Variants in R3HCC1L observed in about 807,000 individuals in gnomAD.
R3HCC1L encodes R3H domain and coiled-coil containing 1 like.
Under a neutral mutation model 59.9 loss-of-function variants are expected in R3HCC1L, and 51 were observed. That is an observed-to-expected ratio of 0.85 (90% confidence interval 0.68 to 1.07). The LOEUF (loss-of-function observed/expected upper bound fraction) is 1.07. R3HCC1L is among the 50% of genes least tolerant of loss of function. The pLI is 0.00. For missense variants in R3HCC1L, 965 were observed against 933.0 expected (o/e 1.03, Z -0.45); for synonymous variants, 322 against 315.2 (o/e 1.02, Z -0.23).
At chr10:98,136,569 C>T (rs895263323) in intron 1 of R3HCC1L, among the ~76,000 whole-genome samples, 6 of 152,242 alleles carry the variant, frequency 3.9e-5, no homozygotes, top group Admixed American at 3.3e-4. Context: ...GACGCGGTGC[C>T]TCACGCCTGT....
At chr10:98,186,832 C>T (rs1257291455) in intron 4 of R3HCC1L, among the ~76,000 whole-genome samples, 1 of 152,046 alleles carries the variant, frequency 6.6e-6, no homozygotes, top group Non-Finnish European at 1.5e-5. Flanking sequence ...GTTAGGCAGT[C>T]ATGATTTAGA....
At chr10:98,158,923 G>A (rs1324540782) in intron 2 of R3HCC1L, among the ~76,000 whole-genome samples, 1 of 150,912 alleles carries the variant, frequency 6.6e-6, no homozygotes, top group Non-Finnish European at 1.5e-5. Context: ...CCTCCTGCCT[G>A]AGCCTCCTGA....
intron 4 of R3HCC1L, among the ~76,000 whole-genome samples, chr10:98,168,759 T>G (rs1216015160): frequency 2.0e-5 from 3 of 152,216 alleles, no homozygotes; most frequent in Non-Finnish European, 4.4e-5. Flanking sequence ...AGGTTTCTTC[T>G]GTTTTAGACC....
chr10:98,138,131 A>G (rs61873744), intron 1 of R3HCC1L, among the ~76,000 whole-genome samples: 24,604 of 152,144 alleles, frequency 0.16, 2,267 homozygotes, highest in Non-Finnish European at 0.2. Context: ...ATTGAAGTAT[A>G]TATTTTTTAC....
chr10:98,227,535 T>C (rs887247130), intron 5 of R3HCC1L, among the ~76,000 whole-genome samples: 4 of 151,410 alleles, frequency 2.6e-5, no homozygotes, highest in African/African-American at 7.3e-5. Flanking sequence ...GAGAAAAATA[T>C]TATCTAAGGA....
chr10:98,143,572 G>C (rs1343401043), intron 1 of R3HCC1L, among the ~76,000 whole-genome samples: 1 of 152,076 alleles, frequency 6.6e-6, no homozygotes, highest in Non-Finnish European at 1.5e-5. Context: ...ACTTTTCATT[G>C]CTTCTAACAC....
rs58183028 is a variant in R3HCC1L, at chr10:98,185,030, A to G, written c.-15+21633A>G. ...GGTTCAAGAAAATTTGTGATTTTGC[A>G]CAACATCCATCTTTTACTTTGTTTT... On this transcript the variant is annotated intron_variant, in intron 4 of 9. Coordinates refer to ENST00000298999, the MANE Select transcript of R3HCC1L (RefSeq NM_001351015.2). 2.6e-5 allele frequency among the ~76,000 whole-genome samples: 4 copies of G among 152,288 alleles called. No individual in the cohort carries two copies. The East Asian group carries it at 7.7e-4, about 29-fold the overall frequency.
At chr10:98,159,543 G>C (rs1422993587) in intron 2 of R3HCC1L, among the ~76,000 whole-genome samples, 1 of 152,102 alleles carries the variant, frequency 6.6e-6, no homozygotes, top group African/African-American at 2.4e-5. Context: ...TAAACATCTT[G>C]TTACTCCTTG....
chr10:98,194,781 C>CAGT (rs145132119), intron 4 of R3HCC1L, among the ~76,000 whole-genome samples: 5 of 151,930 alleles, frequency 3.3e-5, no homozygotes, highest in African/African-American at 1.2e-4. Context: ...TATCTCACAC[C>CAGT]TAAGATGGCC....
At chr10:98,134,888 C>T (rs1281563575) in intron 1 of R3HCC1L, among the ~76,000 whole-genome samples, 182 bp downstream of exon 1, 2 of 152,236 alleles carry the variant, frequency 1.3e-5, no homozygotes, top group South Asian at 2.1e-4. Context: ...AAGCTCCCGC[C>T]TTCTGACCCC....
intron 5 of R3HCC1L, chr10:98,231,042 A>G (rs1398987286): frequency 2.4e-6 from 1 of 422,090 alleles, no homozygotes; most frequent in Non-Finnish European, 4.6e-6. Flanking sequence ...ACAAAAAGTG[A>G]AGTAAAAAAG....
At position 98,208,356 on chromosome 10, in the gene R3HCC1L, A is replaced by C; in HGVS notation, c.242A>C (p.Asn81Thr). 1 of 1,614,144 alleles carries C rather than the reference A, an allele frequency of 6.2e-7. No homozygotes were observed. Among genetic ancestry groups the C allele is most frequent in the Middle Eastern group, 1.6e-4 (1 of 6,062 alleles). The change falls in exon 5 of 10, where the codon AAT becomes ACT. Residue 81 changes from asparagine (N) to threonine (T), a missense_variant. Transcript: ENST00000298999. ...ATCAATCCTGATAGAAAGGAGCATAATTGTAGAGAAGAAAAGAAATCTTCA... is the reference window on the plus strand; with the variant it reads ...ATCAATCCTGATAGAAAGGAGCATACTTGTAGAGAAGAAAAGAAATCTTCA... ...LNINPDRKEH[N>T]CREEKKSSTK... is the part of the protein sequence containing the mutation.
At chr10:98,220,023 T>C (rs1854684469) in intron 5 of R3HCC1L, among the ~76,000 whole-genome samples, 1 of 152,196 alleles carries the variant, frequency 6.6e-6, no homozygotes, top group South Asian at 2.1e-4. Flanking sequence ...TAAATATTTG[T>C]CACTTTGTGA....
At chr10:98,150,286 A>G (rs184899416) in intron 1 of R3HCC1L, among the ~76,000 whole-genome samples, 188 of 152,290 alleles carry the variant, frequency 1.2e-3, no homozygotes, top group Middle Eastern at 6.8e-3. Flanking sequence ...CTGTCTTGCT[A>G]GGGACAGTTG....
intron 9 of R3HCC1L, among the ~76,000 whole-genome samples, chr10:98,237,177 A>G (rs550939887): frequency 6.6e-6 from 1 of 152,346 alleles, no homozygotes; most frequent in South Asian, 2.1e-4. Flanking sequence ...TTTAATGATT[A>G]TAATGAGGCA....
chr10:98,151,345 T>C (rs1379556252), intron 1 of R3HCC1L, among the ~76,000 whole-genome samples: 1 of 152,200 alleles, frequency 6.6e-6, no homozygotes, highest in Non-Finnish European at 1.5e-5. Flanking sequence ...ATTTAATTTG[T>C]CTGGGCCTCA....
Position 98,241,900 on chromosome 10 carries a change from A to C in R3HCC1L, c.2270-2191A>C, listed in dbSNP as rs191291210. Among the ~76,000 whole-genome samples the C allele has an allele frequency of 5.9e-5, 9 of 152,206 alleles. No individual in the cohort carries two copies. The East Asian group carries it at 1.5e-3, about 26-fold the overall frequency. ...ATTATTATTTCCTATCCTGACCTAC[A>C]TTTCTCTATTCTATTCATGTTCTTG... is the stretch of plus-strand genomic sequence containing the variant. On this transcript the variant is annotated intron_variant, in intron 9 of 9. Transcript: ENST00000298999.
chr10:98,228,351 T>C (rs1229221384), intron 5 of R3HCC1L, among the ~76,000 whole-genome samples: 1 of 152,264 alleles, frequency 6.6e-6, no homozygotes, highest in Non-Finnish European at 1.5e-5. Flanking sequence ...GAGCATTTTT[T>C]CATGTGTCTT....
Position 98,231,576 on chromosome 10 carries a change from A to C in R3HCC1L, c.1850A>C (p.Glu617Ala), listed in dbSNP as rs2135629392. The C allele has an allele frequency of 6.2e-7, 1 of 1,612,862 alleles. No homozygotes were observed. The highest frequency in any genetic ancestry group is 2.2e-5 in the East Asian group (1 of 44,850). ...QEPRSDYYNH[E>A]VPDIDLSDCE... ...CCTAGATCTGATTACTACAATCATGAAGTTCCTGATATTGACCTCAGTGAT... is the reference window on the plus strand; with the variant it reads ...CCTAGATCTGATTACTACAATCATGCAGTTCCTGATATTGACCTCAGTGAT... The change falls in exon 6 of 10, where the codon GAA becomes GCA. Residue 617 changes from glutamate (E) to alanine (A), a missense_variant. Glu to Ala is a moderately radical substitution (Grantham distance 107). Coordinates refer to ENST00000298999, the MANE Select transcript of R3HCC1L (RefSeq NM_001351015.2).
Sources: gnomAD v4.1 joint callset for allele counts (sites outside exome capture counted in the v4.1 genomes callset) on GRCh38, gnomAD v4.1.1 for gene constraint, MANE v1.5 for transcripts, NCBI Gene and HGNC (gene_info 2026-07-23, HGNC 2026-07-21) for gene names.